CUBN: variants seen among roughly 807,000 people sequenced by gnomAD.
CUBN encodes the protein cubilin, also known as 460 kDa receptor.
In CUBN, 282 loss-of-function variants were observed where a neutral mutation model predicts 405.3. The observed-to-expected ratio is 0.70, with a 90% CI of 0.63 to 0.77. The LOEUF (loss-of-function observed/expected upper bound fraction) is 0.77, where lower values mean the gene tolerates loss of function less well. Ranked by LOEUF, CUBN falls within the 30% of genes least tolerant of loss-of-function variation. The probability of loss-of-function intolerance (pLI) is 0.00; values close to 1 mark genes in which losing one functional copy is unlikely to be tolerated. For missense variants in CUBN, 4,514 were observed against 4,475.2 expected, an observed-to-expected ratio of 1.01 and a Z score of -0.25; for synonymous variants, 1,684 against 1,617.0, an observed-to-expected ratio of 1.04 and a Z score of -0.99.
chr10:16,944,604 C>T (rs1188712231), intron 36 of CUBN, among the ~76,000 whole-genome samples: 1 of 152,148 alleles, frequency 6.6e-6, no homozygotes, highest in Non-Finnish European at 1.5e-5. Context: ...TCTCATTAAT[C>T]AACTGCAAAA....
chr10:16,865,909 A>T (rs889341765), intron 59 of CUBN, among the ~76,000 whole-genome samples: 4 of 152,196 alleles, frequency 2.6e-5, no homozygotes, highest in African/African-American at 9.6e-5. Context: ...ACGAAGGTCC[A>T]TGGCTTCATT....
chr10:16,845,023 C>G (rs1359646379), intron 60 of CUBN, among the ~76,000 whole-genome samples: 1 of 152,142 alleles, frequency 6.6e-6, no homozygotes, highest in Non-Finnish European at 1.5e-5. Flanking sequence ...GTTATATTTT[C>G]TCAACTTTTA....
chr10:17,129,159 T>G lies in CUBN; in HGVS notation c.214A>C (p.Lys72Gln). Residue 72 changes from lysine to glutamine, a missense_variant, in exon 2 of 67, where the codon AAA becomes CAA. Physicochemically the swap from Lys to Gln is moderately conservative, Grantham distance 53. This residue lies in a region of CUBN where 1,448 missense variants were observed against 1,388.0 expected (regional missense o/e 1.04). Transcript: ENST00000377833. Reference protein sequence around the residue: ...EFRTGSLGKIKLNDEDLSECL... With the variant: ...EFRTGSLGKIQLNDEDLSECL... The stretch of plus-strand genomic sequence containing the variant: ...TCACTGAGATCTTCATCATTTAATT[T>G]AATTTTTCCCAGGGATCCGGTTCTA... 6.2e-7 allele frequency: 1 copy of G among 1,613,446 alleles called. No homozygotes were observed. Among genetic ancestry groups the G allele is most frequent in the South Asian group, 1.1e-5 (1 of 91,064 alleles).
At chr10:16,859,865 G>A (rs975406627) in intron 59 of CUBN, among the ~76,000 whole-genome samples, 2 of 152,222 alleles carry the variant, frequency 1.3e-5, no homozygotes, top group East Asian at 3.9e-4. Context: ...TATTATGTAC[G>A]TAGAATTAAA....
intron 9 of CUBN, 136 bp downstream of exon 9, chr10:17,110,783 A>T: frequency 7.5e-7 from 1 of 1,337,514 alleles, no homozygotes; most frequent in Non-Finnish European, 1.1e-6. Context: ...TCAGCCTCCC[A>T]AAGTGCTGGG....
intron 27 of CUBN, among the ~76,000 whole-genome samples, chr10:17,031,583 G>C (rs1195154029): frequency 6.6e-6 from 1 of 152,150 alleles, no homozygotes; most frequent in Non-Finnish European, 1.5e-5. Flanking sequence ...CATATGTCTG[G>C]GTGCCTAGAA....
chr10:17,068,245 T>C lies in CUBN; in HGVS notation c.2827A>G (p.Ile943Val). 6.2e-7 allele frequency: 1 copy of C among 1,613,730 alleles called. No individual in the cohort carries two copies. The highest frequency in any genetic ancestry group is 8.5e-7 in the Non-Finnish European group (1 of 1,179,682). The change falls in exon 21 of 67, where the codon ATT becomes GTT. Residue 943 changes from isoleucine to valine, a missense_variant. By Grantham distance (29) the Ile-to-Val change is conservative. Around this residue, in one of 5 missense-constraint regions of CUBN, gnomAD observed 1,448 missense variants for 1,388.0 expected, o/e 1.04. Transcript: ENST00000377833. ...GEILTESTGT[I>V]QSPGHPNVYP... ...ACATTTGGATGGCCAGGACTTTGAA[T>C]GGTCCCTGTTGATTCTGTAAGAATT...
At chr10:17,072,962 C>T (rs1346399054) in intron 17 of CUBN, among the ~76,000 whole-genome samples, 2 of 152,042 alleles carry the variant, frequency 1.3e-5, no homozygotes, top group Admixed American at 6.5e-5. Flanking sequence ...ATTCCCATCC[C>T]ACCCTCAACC....
At chr10:16,928,134 TA>T in intron 41 of CUBN, 22 bp downstream of exon 41, 2 of 1,610,818 alleles carry the variant, frequency 1.2e-6, no homozygotes, top group Non-Finnish European at 1.7e-6. Flanking sequence ...AACATGGGAT[TA>T]AAAAATATTT....
chr10:16,879,914 A>G (rs7917854), intron 56 of CUBN, among the ~76,000 whole-genome samples: 7,121 of 152,312 alleles, frequency 0.047, 577 homozygotes, highest in African/African-American at 0.16. Context: ...ACCACAGGAT[A>G]GAAGCCATCT....
chr10:16,962,723 C>G (rs1054827979), intron 31 of CUBN, among the ~76,000 whole-genome samples: 1 of 152,160 alleles, frequency 6.6e-6, no homozygotes, highest in Non-Finnish European at 1.5e-5. Context: ...TTCTGAGATA[C>G]TCCGTGGAGA....
chr10:17,071,639 GATATTA>G (rs1835742614), intron 18 of CUBN, 35 bp from the exon 19 acceptor site: 11 of 1,590,098 alleles, frequency 6.9e-6, no homozygotes, highest in Non-Finnish European at 9.5e-6. Context: ...TGCTTGTCCA[GATATTA>G]ATAATTTTAT....
intron 56 of CUBN, among the ~76,000 whole-genome samples, chr10:16,882,482 G>A (rs1399607162): frequency 1.3e-5 from 2 of 152,140 alleles, no homozygotes; most frequent in South Asian, 2.1e-4. Flanking sequence ...ACTGGGCAAT[G>A]TCTAATTCCA....
At position 16,947,467 on chromosome 10, in the gene CUBN, G is replaced by T. The variant is rs1842818608; in HGVS notation, c.5210-100C>A. The T allele has an allele frequency of 7.4e-6, 9 of 1,216,104 alleles. No individual in the cohort carries two copies. In the South Asian group the frequency reaches 8.9e-5, roughly 12 times the overall value. The allele number at this position is 1,216,104 out of a possible 1,614,324, so 75.3% of individuals were successfully genotyped here. On this transcript the variant is annotated intron_variant, in intron 35 of 66. Coordinates refer to ENST00000377833, the MANE Select transcript of CUBN (RefSeq NM_001081.4). ...CGCTAGAGCCATTATCAATGTAAAAGAATAGATAGTATTTCCATCTCACAT... is the reference window on the plus strand; with the variant it reads ...CGCTAGAGCCATTATCAATGTAAAATAATAGATAGTATTTCCATCTCACAT...
chr10:17,058,085 G>A (rs937232482), intron 22 of CUBN, among the ~76,000 whole-genome samples: 1 of 152,022 alleles, frequency 6.6e-6, no homozygotes, highest in African/African-American at 2.4e-5. Flanking sequence ...TCGCGCCACT[G>A]CACTCCAGCC....
intron 17 of CUBN, among the ~76,000 whole-genome samples, chr10:17,075,751 A>G (rs191922367): frequency 1.3e-5 from 2 of 152,264 alleles, no homozygotes; most frequent in Admixed American, 1.3e-4. Flanking sequence ...CTCTTACAAC[A>G]TCTGTAACAC....
At chr10:17,061,985 T>C (rs1489347606) in intron 22 of CUBN, among the ~76,000 whole-genome samples, 2 of 152,150 alleles carry the variant, frequency 1.3e-5, no homozygotes, top group Non-Finnish European at 2.9e-5. Context: ...ATCTCCCTCA[T>C]TTAAAAATTA....
intron 29 of CUBN, among the ~76,000 whole-genome samples, chr10:16,988,478 T>C (rs1350101004): frequency 6.6e-6 from 1 of 152,148 alleles, no homozygotes; most frequent in African/African-American, 2.4e-5. Flanking sequence ...ACAATTACAA[T>C]AGTAAATTGT....
rs1349871011 is a variant in CUBN at position 16,890,500 on chromosome 10, T to C, written c.8626A>G (p.Lys2876Glu). 3.1e-6 allele frequency: 5 copies of C among 1,614,082 alleles called. No individual in the cohort carries two copies. The African/African-American group carries it at 6.7e-5, about 22-fold the overall frequency. Reference protein sequence around the residue: ...KVWAGTEEVDKALLATGCGNV... With the variant: ...KVWAGTEEVDEALLATGCGNV... ...CCACAGCCAGTGGCTAGCAGGGCTTTGTCCACCTCCTCAGTTCCTGCCCAC... is the reference window on the plus strand; with the variant it reads ...CCACAGCCAGTGGCTAGCAGGGCTTCGTCCACCTCCTCAGTTCCTGCCCAC... Residue 2876 changes from lysine to glutamate, a missense_variant, in exon 55 of 67, where the codon AAA (lysine) becomes GAA (glutamate). Around this residue, in one of 5 missense-constraint regions of CUBN, gnomAD observed 1,186 missense variants for 1,186.9 expected, o/e 1.00. Transcript: ENST00000377833.
Sources: allele counts gnomAD v4.1 joint callset (sites outside exome capture counted in the v4.1 genomes callset), GRCh38; gene constraint gnomAD v4.1.1; regional missense constraint gnomAD v4.1.1; transcripts MANE v1.5; gene names NCBI Gene and HGNC (gene_info 2026-07-23, HGNC 2026-07-21).